HEMK2: variants seen among roughly 807,000 people sequenced by gnomAD.
The protein encoded by HEMK2 is HemK methyltransferase 2, ETF1 glutamine and histone H4 lysine, also known as methyltransferase HEMK2.
the HEMK2 span, among the ~76,000 whole-genome samples, chr21:28,624,486 C>T: frequency 6.6e-6 from 1 of 152,134 alleles, no homozygotes; most frequent in Non-Finnish European, 1.5e-5. Context: ...TTGCTGCTGT[C>T]ATCGAAGGGG....
At chr21:28,785,511 A>AT in the HEMK2 span, among the ~76,000 whole-genome samples, 92 of 152,338 alleles carry the variant, frequency 6.0e-4, no homozygotes, top group Non-Finnish European at 1.1e-3. Context: ...GCCATGTAAC[A>AT]TTAAGTATAT....
the HEMK2 span, among the ~76,000 whole-genome samples, chr21:28,698,920 C>A: frequency 6.6e-6 from 1 of 152,182 alleles, no homozygotes; most frequent in African/African-American, 2.4e-5. Context: ...ACATGGGTGG[C>A]GAATGAAATC....
At chr21:28,636,832 T>A in the HEMK2 span, among the ~76,000 whole-genome samples, 1 of 152,168 alleles carries the variant, frequency 6.6e-6, no homozygotes, top group Non-Finnish European at 1.5e-5. Flanking sequence ...TACGACTCCA[T>A]CACTTTTACC....
chr21:28,860,965 T>C, the HEMK2 span, among the ~76,000 whole-genome samples: 1 of 152,320 alleles, frequency 6.6e-6, no homozygotes, highest in Non-Finnish European at 1.5e-5. Context: ...TTCCTTGGTT[T>C]AATGTAGAAA....
At chr21:28,588,947 C>A in the HEMK2 span, among the ~76,000 whole-genome samples, 1 of 146,100 alleles carries the variant, frequency 6.8e-6, no homozygotes, top group African/African-American at 2.6e-5. Context: ...CACGCCACTG[C>A]ACTCCAGCCT....
At chr21:28,703,548 A>C in the HEMK2 span, among the ~76,000 whole-genome samples, 3 of 152,196 alleles carry the variant, frequency 2.0e-5, no homozygotes, top group Non-Finnish European at 4.4e-5. Flanking sequence ...TTGTATTATG[A>C]AATAAGAAGC....
At chr21:28,711,177 T>A in the HEMK2 span, among the ~76,000 whole-genome samples, 1 of 152,212 alleles carries the variant, frequency 6.6e-6, no homozygotes, top group Non-Finnish European at 1.5e-5. Context: ...TCCCTTCGGA[T>A]AATATCCCAT....
chr21:28,634,197 A>C, the HEMK2 span, among the ~76,000 whole-genome samples: 1 of 152,132 alleles, frequency 6.6e-6, no homozygotes, highest in Non-Finnish European at 1.5e-5. Flanking sequence ...TGACTTCCCA[A>C]ATACATCACT....
At chr21:28,594,929 T>G in the HEMK2 span, among the ~76,000 whole-genome samples, 1 of 152,208 alleles carries the variant, frequency 6.6e-6, no homozygotes, top group Admixed American at 6.5e-5. Context: ...CTTTAACAAG[T>G]ATTTATTGGC....
the HEMK2 span, among the ~76,000 whole-genome samples, chr21:28,743,806 G>A: frequency 6.6e-6 from 1 of 152,158 alleles, no homozygotes; most frequent in Non-Finnish European, 1.5e-5. Flanking sequence ...ATGCAAATGT[G>A]TCTGGTAGCT....
chr21:28,860,168 G>C, the HEMK2 span, among the ~76,000 whole-genome samples: 1 of 152,018 alleles, frequency 6.6e-6, no homozygotes, highest in Non-Finnish European at 1.5e-5. Flanking sequence ...TGAGTCACTG[G>C]GCTGGGAAAG....
At chr21:28,619,806 T>A in the HEMK2 span, among the ~76,000 whole-genome samples, 2 of 152,170 alleles carry the variant, frequency 1.3e-5, no homozygotes, top group Non-Finnish European at 2.9e-5. Flanking sequence ...TGCTAAGGAC[T>A]AAGGATAGCA....
the HEMK2 span, among the ~76,000 whole-genome samples, chr21:28,766,549 C>A: frequency 2.0e-5 from 3 of 151,992 alleles, no homozygotes; most frequent in Non-Finnish European, 2.9e-5. Flanking sequence ...AAGACACATG[C>A]ACACTCATGT....
At chr21:28,664,680 C>T in the HEMK2 span, among the ~76,000 whole-genome samples, 11 of 152,196 alleles carry the variant, frequency 7.2e-5, no homozygotes, top group South Asian at 2.3e-3. Context: ...ACCTTCAGGT[C>T]CTTCTCTATG....
chr21:28,782,730 G>C, the HEMK2 span, among the ~76,000 whole-genome samples: 1 of 152,028 alleles, frequency 6.6e-6, no homozygotes. Flanking sequence ...TTCTTTTTTG[G>C]GTGATAAAAA....
At chr21:28,884,968 G>A in the HEMK2 span, among the ~76,000 whole-genome samples, 7 of 152,168 alleles carry the variant, frequency 4.6e-5, no homozygotes, top group Admixed American at 2.6e-4. Context: ...CCTTTGCATG[G>A]TAAGCAGTCA....
chr21:28,588,142 T>G, the HEMK2 span, among the ~76,000 whole-genome samples: 1 of 152,222 alleles, frequency 6.6e-6, no homozygotes, highest in Admixed American at 6.5e-5. Context: ...ACATAAATTA[T>G]GTGGCAAATA....
the HEMK2 span, among the ~76,000 whole-genome samples, chr21:28,837,947 G>A: frequency 2.6e-5 from 4 of 152,170 alleles, no homozygotes; most frequent in East Asian, 7.7e-4. Flanking sequence ...CAGAATAGAT[G>A]CATACATTTC....
chr21:28,695,943 T>C, the HEMK2 span, among the ~76,000 whole-genome samples: 1 of 152,092 alleles, frequency 6.6e-6, no homozygotes, highest in Non-Finnish European at 1.5e-5. Flanking sequence ...TTCACACTGC[T>C]GATAAAGACA....
Sources: gnomAD v4.1 joint callset for allele counts (sites outside exome capture counted in the v4.1 genomes callset) on GRCh38, gnomAD v4.1.1 for gene constraint, MANE v1.5 for transcripts, NCBI Gene and HGNC (gene_info 2026-07-23, HGNC 2026-07-21) for gene names.